Variants in SMC6 observed in about 807,000 individuals in gnomAD.
The protein encoded by SMC6 is structural maintenance of chromosomes 6.
A neutral mutation model predicts 142.2 loss-of-function variants in SMC6; 79 were observed. That is an observed-to-expected ratio of 0.56 (90% confidence interval 0.46 to 0.67). The LOEUF is 0.67. Among genes scored for constraint, SMC6 ranks in the 30% least tolerant of loss-of-function variants. The pLI is 0.00. For synonymous variants in SMC6, 411 were observed against 412.4 expected, an observed-to-expected ratio of 1.00 and a Z score of 0.04; for missense variants, 1,072 against 1,284.0, an observed-to-expected ratio of 0.83 and a Z score of 2.52.
intron 7 of SMC6, among the ~76,000 whole-genome samples, chr2:17,728,258 A>G (rs980106135): frequency 1.3e-5 from 2 of 152,210 alleles, no homozygotes; most frequent in Non-Finnish European, 2.9e-5. Context: ...CAACATGGTG[A>G]AACCCCGTCT....
Position 17,721,363 on chromosome 2 carries a change from C to G in SMC6, c.727-102G>C, listed in dbSNP as rs1024966007. The G allele has an allele frequency of 7.2e-6, 8 of 1,103,486 alleles. No individual in the cohort carries two copies. In the African/African-American group the frequency reaches 8.2e-5, roughly 11 times the overall value. 68.4% of individuals were successfully genotyped at this position (1,103,486 alleles called of 1,614,324 possible). On this transcript the variant is annotated intron_variant, in intron 9 of 27. Coordinates refer to ENST00000448223, the MANE Select transcript of SMC6 (RefSeq NM_001142286.2). Reference sequence around the variant, plus strand: ...AAAAACAATGCCTAAACAAGTACTACATAAATATTCGTTTAAAAATAACTT... The same window carrying G: ...AAAAACAATGCCTAAACAAGTACTAGATAAATATTCGTTTAAAAATAACTT...
intron 16 of SMC6, among the ~76,000 whole-genome samples, chr2:17,709,492 G>A (rs1257883553): frequency 6.6e-6 from 1 of 152,152 alleles, no homozygotes; most frequent in African/African-American, 2.4e-5. Context: ...GAATGGCTGA[G>A]GAGGAAAAGA....
intron 23 of SMC6, among the ~76,000 whole-genome samples, chr2:17,686,820 CCA>C (rs1282060419): frequency 1.3e-5 from 2 of 152,162 alleles, no homozygotes; most frequent in African/African-American, 2.4e-5. Flanking sequence ...TGTCAAACAA[CCA>C]CAGATTGTTT....
chr2:17,682,960 G>A (rs1667299738), intron 24 of SMC6, among the ~76,000 whole-genome samples: 2 of 151,740 alleles, frequency 1.3e-5, no homozygotes, highest in Admixed American at 1.3e-4. Flanking sequence ...GTGTATTACT[G>A]AGGGAATTTG....
intron 4 of SMC6, 41 bp from the exon 5 acceptor site, chr2:17,738,367 A>C: frequency 6.9e-7 from 1 of 1,452,642 alleles, no homozygotes; most frequent in African/African-American, 1.4e-5. Context: ...TCATTAAAAG[A>C]AAAAGGAAAA....
chr2:17,675,592 A>G (rs1213980903), intron 25 of SMC6, among the ~76,000 whole-genome samples: 3 of 152,052 alleles, frequency 2.0e-5, no homozygotes, highest in Non-Finnish European at 2.9e-5. Flanking sequence ...TTTCATCCTC[A>G]TTTTTGAAAG....
At chr2:17,746,068 CT>C (rs1297856080) in intron 2 of SMC6, 117 bp from the exon 3 acceptor site, 1 of 1,043,458 alleles carries the variant, frequency 9.6e-7, no homozygotes, top group African/African-American at 1.7e-5. Context: ...CCATTTTTAC[CT>C]TAAAAATTAA....
intron 21 of SMC6, among the ~76,000 whole-genome samples, chr2:17,699,945 A>C (rs1366235346): frequency 6.6e-6 from 1 of 152,098 alleles, no homozygotes; most frequent in Non-Finnish European, 1.5e-5. Context: ...GATTTTTAAA[A>C]ATCATAAAAA....
intron 2 of SMC6, among the ~76,000 whole-genome samples, chr2:17,748,726 G>A (rs1175519391): frequency 6.6e-6 from 1 of 152,094 alleles, no homozygotes; most frequent in Non-Finnish European, 1.5e-5. Context: ...TATTATAGAA[G>A]AGCAAACAGA....
intron 26 of SMC6, among the ~76,000 whole-genome samples, chr2:17,666,781 G>C (rs537703372): frequency 2.0e-5 from 3 of 151,370 alleles, no homozygotes; most frequent in East Asian, 1.9e-4. Flanking sequence ...TCAGGAGTTC[G>C]AGACCAGCCT....
At chr2:17,747,722 T>G (rs1334542944) in intron 2 of SMC6, among the ~76,000 whole-genome samples, 1 of 152,174 alleles carries the variant, frequency 6.6e-6, no homozygotes, top group Non-Finnish European at 1.5e-5. Context: ...CAGGCTGATC[T>G]CGAACTTCTG....
intron 23 of SMC6, among the ~76,000 whole-genome samples, chr2:17,691,705 T>C (rs1411732691): frequency 6.6e-6 from 1 of 152,016 alleles, no homozygotes; most frequent in African/African-American, 2.4e-5. Flanking sequence ...GTGTTGGAAG[T>C]TCTGGCCAGG....
chr2:17,668,876 T>C (rs865965143), intron 26 of SMC6, among the ~76,000 whole-genome samples: 3 of 152,170 alleles, frequency 2.0e-5, no homozygotes, highest in East Asian at 3.8e-4. Context: ...TTATTCCATA[T>C]ATAATAACCT....
chr2:17,743,174 C>T (rs1211318812), intron 3 of SMC6, among the ~76,000 whole-genome samples: 2 of 152,064 alleles, frequency 1.3e-5, no homozygotes. Flanking sequence ...GCCTTTTCAC[C>T]TAAATTTTAG....
intron 23 of SMC6, among the ~76,000 whole-genome samples, chr2:17,693,192 C>T (rs9752727): frequency 0.51 from 77,940 of 152,010 alleles, 22,657 homozygotes; most frequent in African/African-American, 0.78. Context: ...CCAGCCATCC[C>T]ATTACTGGGT....
chr2:17,745,873 T>G lies in SMC6; in HGVS notation c.74A>C (p.Asp25Ala), dbSNP rs759585478. Residue 25 changes from aspartate to alanine, a missense_variant, in exon 3 of 28, where the codon GAT (aspartate) becomes GCT (alanine). Asp to Ala is a moderately radical substitution (Grantham distance 126). Coordinates refer to ENST00000448223, the MANE Select transcript of SMC6 (RefSeq NM_001142286.2). ...GTCTTCGTCACCATCTTTATCAAAA[T>G]CCTCCAATTCTTCTTGTCTTGGCCT... ...AKRPRQEELE[D>A]FDKDGDEDEC... is the part of the protein sequence containing the mutation. 6.2e-7 allele frequency: 1 copy of G among 1,612,670 alleles called. No individual in the cohort carries two copies. The highest frequency in any genetic ancestry group is 2.2e-5 in the East Asian group (1 of 44,774).
At chr2:17,678,522 C>A (rs1372245470) in intron 25 of SMC6, among the ~76,000 whole-genome samples, 1 of 149,708 alleles carries the variant, frequency 6.7e-6, no homozygotes, top group Non-Finnish European at 1.5e-5. Context: ...AATCCCAGCA[C>A]TTTGGGAGGC....
intron 2 of SMC6, among the ~76,000 whole-genome samples, chr2:17,747,542 G>GT (rs1670817232): frequency 8.1e-6 from 1 of 123,200 alleles, no homozygotes; most frequent in African/African-American, 3.2e-5. Flanking sequence ...GTCTTGCTCT[G>GT]TCTCCCAGGC....
At chr2:17,706,249 G>A (rs1021267533) in intron 18 of SMC6, among the ~76,000 whole-genome samples, 1 of 152,010 alleles carries the variant, frequency 6.6e-6, no homozygotes, top group Non-Finnish European at 1.5e-5. Context: ...AACCACGCTG[G>A]TAATCATTCT....
Sources: allele counts gnomAD v4.1 joint callset (sites outside exome capture counted in the v4.1 genomes callset), GRCh38; gene constraint gnomAD v4.1.1; transcripts MANE v1.5; gene names NCBI Gene and HGNC (gene_info 2026-07-23, HGNC 2026-07-21).